ARHGAP32: variants seen among roughly 807,000 people sequenced by gnomAD.
ARHGAP32 encodes Rho GTPase activating protein 32.
Under a neutral mutation model 186.5 loss-of-function variants are expected in ARHGAP32, and 51 were observed. The ratio of observed to expected loss-of-function variants is 0.27; its 90% confidence interval spans 0.22 to 0.35. The LOEUF (loss-of-function observed/expected upper bound fraction) is 0.35. Ranked by LOEUF, ARHGAP32 falls within the 10% of genes least tolerant of loss-of-function variation. The pLI is 1.00. For missense variants in ARHGAP32, 2,186 were observed against 2,623.5 expected, an observed-to-expected ratio of 0.83 and a Z score of 3.64; for synonymous variants, 950 against 964.3, an observed-to-expected ratio of 0.99 and a Z score of 0.27.
chr11:129,098,627 G>A (rs1941803869), intron 5 of ARHGAP32, among the ~76,000 whole-genome samples: 1 of 151,966 alleles, frequency 6.6e-6, no homozygotes, highest in Non-Finnish European at 1.5e-5. Context: ...CACTGTGTTA[G>A]CCAGGATGGT....
intron 5 of ARHGAP32, among the ~76,000 whole-genome samples, chr11:129,095,543 C>T (rs1941706262): frequency 6.6e-6 from 1 of 152,112 alleles, no homozygotes; most frequent in Non-Finnish European, 1.5e-5. Flanking sequence ...TGGGAAGCCT[C>T]CCCAAGGACA....
chr11:129,234,972 A>C (rs768448768), intron 1 of ARHGAP32, among the ~76,000 whole-genome samples: 6 of 152,130 alleles, frequency 3.9e-5, no homozygotes, highest in Non-Finnish European at 8.8e-5. Flanking sequence ...TAATACCTGG[A>C]CCCTGTAAAG....
Position 129,199,051 on chromosome 11 carries a change from T to C in ARHGAP32, c.-4-34624A>G, listed in dbSNP as rs749526469. 3.3e-5 allele frequency among the ~76,000 whole-genome samples: 5 copies of C among 152,132 alleles called. 1 individual carries two copies. The highest frequency in any genetic ancestry group is 4.8e-5 in the African/African-American group (2 of 41,430). On this transcript the variant is annotated intron_variant, in intron 1 of 6. Coordinates refer to the ARHGAP32 transcript ENST00000525234. The stretch of plus-strand genomic sequence containing the variant: ...GGCATTTTGCCCCTGCCCTAGAGAT[T>C]TGTGGAACTTTGAACTTGAGGGAGA...
rs1944284493 is a variant in ARHGAP32, at chr11:129,192,166, C to T, written c.33G>A (p.Gly11=). METESESSTL[G]DDSVFWLESE... is the part of the protein sequence containing the mutation. ...ACTCCAACCAGAAGACACTGTCATC[C>T]CCTAAAGTGCTACTCTCACTTTCAG... The change falls in exon 1 of 23, where the codon GGG becomes GGA. Residue 11 remains glycine, a synonymous_variant. Coordinates refer to ENST00000682385, the MANE Select transcript of ARHGAP32 (RefSeq NM_001378024.1). 1.2e-6 allele frequency: 2 copies of T among 1,613,714 alleles called. No individual in the cohort carries two copies. Among genetic ancestry groups the T allele is most frequent in the South Asian group, 2.2e-5 (2 of 91,088 alleles).
chr11:129,204,875 G>A (rs940714123), intron 1 of ARHGAP32, among the ~76,000 whole-genome samples: 3 of 151,974 alleles, frequency 2.0e-5, no homozygotes, highest in African/African-American at 7.3e-5. Context: ...CTACTATTCT[G>A]GTATCAGTAA....
At chr11:129,222,562 G>A (rs1395872558) in intron 1 of ARHGAP32, among the ~76,000 whole-genome samples, 1 of 152,110 alleles carries the variant, frequency 6.6e-6, no homozygotes, top group Non-Finnish European at 1.5e-5. Flanking sequence ...TATATCCAGG[G>A]AATAAACTGA....
At chr11:129,138,426 T>C (rs945068219) in intron 2 of ARHGAP32, among the ~76,000 whole-genome samples, 4 of 151,466 alleles carry the variant, frequency 2.6e-5, no homozygotes, top group Non-Finnish European at 4.4e-5. Context: ...TTCAGGAAAA[T>C]ACAATTTGAT....
At chr11:129,005,555 A>T (rs77719420) in intron 11 of ARHGAP32, among the ~76,000 whole-genome samples, 2,075 of 152,218 alleles carry the variant, frequency 0.014, 20 homozygotes, top group South Asian at 0.033. Flanking sequence ...TTCCTTTAGC[A>T]CTTTAAATAT....
At chr11:129,210,478 G>C (rs1053091872) in intron 1 of ARHGAP32, among the ~76,000 whole-genome samples, 2 of 152,186 alleles carry the variant, frequency 1.3e-5, no homozygotes, top group African/African-American at 4.8e-5. Flanking sequence ...TTTACAAGTG[G>C]TAGTTGCCTT....
chr11:129,024,053 A>T (rs1408000442), intron 11 of ARHGAP32: 1 of 985,384 alleles, frequency 1.0e-6, no homozygotes, highest in Non-Finnish European at 1.2e-6. Flanking sequence ...GCCGGGTTCC[A>T]GCTGTTTTCA....
intron 5 of ARHGAP32, among the ~76,000 whole-genome samples, chr11:129,119,082 A>C (rs1223708887): frequency 2.6e-5 from 4 of 152,012 alleles, no homozygotes; most frequent in African/African-American, 9.7e-5. Flanking sequence ...GTGCTGTTAT[A>C]TCTCTGTTCC....
At chr11:129,064,776 A>G (rs1333947533) in intron 8 of ARHGAP32, 65 bp downstream of exon 8, 1 of 1,240,842 alleles carries the variant, frequency 8.1e-7, no homozygotes, top group East Asian at 2.6e-5. Context: ...AATTATGTTA[A>G]TATCAAATTT....
intron 6 of ARHGAP32, among the ~76,000 whole-genome samples, chr11:129,069,952 T>TA (rs546126317): frequency 3.0e-4 from 45 of 152,116 alleles, no homozygotes; most frequent in African/African-American, 1.0e-3. Context: ...CTTTAGGAAA[T>TA]AGAGAGTGTT....
intron 2 of ARHGAP32, among the ~76,000 whole-genome samples, chr11:129,153,829 A>T (rs1179722362): frequency 1.3e-5 from 2 of 152,340 alleles, no homozygotes; most frequent in East Asian, 3.9e-4. Flanking sequence ...TTAGGCAAAG[A>T]GTTCAAGACC....
At chr11:129,164,093 C>T (rs1157276420) in intron 2 of ARHGAP32, among the ~76,000 whole-genome samples, 1 of 152,054 alleles carries the variant, frequency 6.6e-6, no homozygotes, top group East Asian at 1.9e-4. Context: ...ATATAATTAG[C>T]ACCTATCCTT....
chr11:129,044,890 A>C (rs2135044976), intron 10 of ARHGAP32, among the ~76,000 whole-genome samples: 1 of 151,230 alleles, frequency 6.6e-6, no homozygotes, highest in African/African-American at 2.4e-5. Flanking sequence ...CTTTTGGCAA[A>C]AAAAAAAAAA....
intron 6 of ARHGAP32, among the ~76,000 whole-genome samples, chr11:129,074,792 T>A (rs565600115): frequency 6.6e-6 from 1 of 152,056 alleles, no homozygotes; most frequent in African/African-American, 2.4e-5. Context: ...ACACCCGGCC[T>A]AAAAAAATTT....
intron 5 of ARHGAP32, among the ~76,000 whole-genome samples, chr11:129,116,770 C>A (rs986560982): frequency 6.6e-6 from 1 of 151,942 alleles, no homozygotes; most frequent in African/African-American, 2.4e-5. Context: ...CTGCCTCAAT[C>A]CTGACAACAC....
At chr11:129,208,278 A>G (rs1024416339) in intron 1 of ARHGAP32, among the ~76,000 whole-genome samples, 3 of 152,190 alleles carry the variant, frequency 2.0e-5, no homozygotes, top group Admixed American at 6.5e-5. Flanking sequence ...TCTAGAGATC[A>G]AGAAAAGATT....
Sources: gnomAD v4.1 joint callset for allele counts (sites outside exome capture counted in the v4.1 genomes callset) on GRCh38, gnomAD v4.1.1 for gene constraint, MANE v1.5 for transcripts, NCBI Gene and HGNC (gene_info 2026-07-23, HGNC 2026-07-21) for gene names.